Variants in PTPRT observed in about 807,000 individuals in gnomAD.
PTPRT encodes the protein protein tyrosine phosphatase receptor type T, also known as receptor-type tyrosine-protein phosphatase T.
PTPRT carries 56 observed loss-of-function variants against 176.8 expected under a neutral mutation model. The ratio of observed to expected loss-of-function variants is 0.32; its 90% confidence interval spans 0.26 to 0.40. The LOEUF (loss-of-function observed/expected upper bound fraction) is 0.40. PTPRT is among the 10% of genes least tolerant of loss of function. The pLI, the probability that PTPRT is intolerant of heterozygous loss-of-function variation, is 1.00. For synonymous variants in PTPRT, 783 were observed against 739.0 expected, an observed-to-expected ratio of 1.06 and a Z score of -0.96; for missense variants, 1,540 against 1,908.2, an observed-to-expected ratio of 0.81 and a Z score of 3.60.
chr20:43,131,410 T>C (rs905571361), intron 1 of PTPRT, among the ~76,000 whole-genome samples: 1 of 152,262 alleles, frequency 6.6e-6, no homozygotes, highest in Non-Finnish European at 1.5e-5. Context: ...ATGACTTTCA[T>C]GCTGTTTTCA....
intron 7 of PTPRT, among the ~76,000 whole-genome samples, chr20:42,670,825 G>A (rs570951361): frequency 4.6e-5 from 7 of 152,278 alleles, no homozygotes; most frequent in Non-Finnish European, 8.8e-5. Context: ...TGGGGTCTGC[G>A]TCAAGCGAAG....
At chr20:43,079,560 AC>A (rs1248814881) in intron 1 of PTPRT, among the ~76,000 whole-genome samples, 1 of 152,062 alleles carries the variant, frequency 6.6e-6, no homozygotes, top group Non-Finnish European at 1.5e-5. Context: ...CTTCTTTCAT[AC>A]CCTTTAGAGT....
At chr20:42,430,368 G>T (rs1020090375) in intron 9 of PTPRT, among the ~76,000 whole-genome samples, 20 of 152,346 alleles carry the variant, frequency 1.3e-4, no homozygotes, top group Admixed American at 1.3e-3. Context: ...AACGTGCACA[G>T]TGACAACCTG....
chr20:42,134,862 A>G (rs1361250597), intron 18 of PTPRT, among the ~76,000 whole-genome samples: 1 of 152,230 alleles, frequency 6.6e-6, no homozygotes, highest in African/African-American at 2.4e-5. Flanking sequence ...AATGTCTTGC[A>G]TGATCTGATG....
At chr20:42,236,093 A>G (rs996419772) in intron 15 of PTPRT, 136 bp downstream of exon 15, 10 of 671,714 alleles carry the variant, frequency 1.5e-5, no homozygotes, top group African/African-American at 3.7e-5. Flanking sequence ...TATGCAAAAT[A>G]AAAACTTTAA....
intron 1 of PTPRT, among the ~76,000 whole-genome samples, chr20:43,138,386 G>C (rs2013900859): frequency 6.6e-6 from 1 of 152,228 alleles, no homozygotes; most frequent in African/African-American, 2.4e-5. Context: ...AGGCAGCCTT[G>C]ACTTCCTCCT....
In PTPRT at chr20:42,378,846, T is replaced by G. The variant is rs773273561; in HGVS notation, c.1561-26561A>C. ...GATTTTGAAATGATTAAATAATTCA[T>G]GCAAAGCTGTTAAAATAGTTCTGAC... On this transcript the variant is annotated intron_variant, in intron 9 of 30. Transcript: ENST00000373187. Among the ~76,000 whole-genome samples, 6 of 152,228 alleles carry G rather than the reference T, an allele frequency of 3.9e-5. No individual in the cohort carries two copies. In the South Asian group the frequency reaches 1.2e-3, roughly 31 times the overall value.
chr20:42,852,439 T>C (rs1271189990), intron 2 of PTPRT, among the ~76,000 whole-genome samples: 2 of 152,204 alleles, frequency 1.3e-5, no homozygotes, highest in African/African-American at 4.8e-5. Context: ...AAACTGCACA[T>C]AGAAAAAACC....
At chr20:42,580,589 G>C (rs1325688581) in intron 7 of PTPRT, among the ~76,000 whole-genome samples, 1 of 151,832 alleles carries the variant, frequency 6.6e-6, no homozygotes, top group Admixed American at 6.6e-5. Context: ...TTGAGCAGTG[G>C]TTTGTAGTTC....
intron 2 of PTPRT, among the ~76,000 whole-genome samples, chr20:42,795,613 G>T (rs544815230): frequency 6.6e-6 from 1 of 152,224 alleles, no homozygotes; most frequent in Non-Finnish European, 1.5e-5. Flanking sequence ...AGGTGGCCCC[G>T]CCAGCTCCCA....
chr20:42,248,561 G>T, intron 14 of PTPRT, 126 bp downstream of exon 14: 1 of 1,246,016 alleles, frequency 8.0e-7, no homozygotes, highest in Non-Finnish European at 1.1e-6. Flanking sequence ...ATGTATTTCC[G>T]GACCTCAATG....
At chr20:42,402,023 G>A (rs927092391) in intron 9 of PTPRT, among the ~76,000 whole-genome samples, 5 of 152,246 alleles carry the variant, frequency 3.3e-5, no homozygotes, top group African/African-American at 1.2e-4. Flanking sequence ...AAATTGGTTC[G>A]CTCTGATTCT....
chr20:43,186,538 G>A (rs1044550134), intron 1 of PTPRT, among the ~76,000 whole-genome samples: 1 of 152,172 alleles, frequency 6.6e-6, no homozygotes, highest in African/African-American at 2.4e-5. Context: ...TGTGAAAGGT[G>A]ACAGCTATAC....
At chr20:42,798,914 G>A (rs1028809170) in intron 2 of PTPRT, among the ~76,000 whole-genome samples, 1 of 151,864 alleles carries the variant, frequency 6.6e-6, no homozygotes, top group Admixed American at 6.6e-5. Context: ...GCTAACCGGT[G>A]CTGGATACCC....
At chr20:42,711,691 T>A (rs2076146489) in intron 6 of PTPRT, among the ~76,000 whole-genome samples, 2 of 152,112 alleles carry the variant, frequency 1.3e-5, no homozygotes, top group South Asian at 2.1e-4. Flanking sequence ...TTGGATCCCA[T>A]GTATAGAGTA....
chr20:42,619,904 G>A lies in PTPRT; in HGVS notation c.1153+57962C>T, dbSNP rs1021903965. On this transcript the variant is annotated intron_variant, in intron 7 of 30. Coordinates refer to ENST00000373187, the MANE Select transcript of PTPRT (RefSeq NM_007050.6). ...GGTTTGAATGTCCTCCCGTAGCTCA[G>A]AGTAATTTGATCATCTGAAGCCTTC... Among the ~76,000 whole-genome samples the A allele has an allele frequency of 2.5e-3, 363 of 144,068 alleles. 5 individuals carry two copies. Among genetic ancestry groups the A allele is most frequent in the African/African-American group, 9.7e-3 (356 of 36,652 alleles). The allele number at this position is 144,068 out of a possible 152,430, so 94.5% of individuals were successfully genotyped here.
chr20:43,010,603 A>G (rs1430513339), intron 1 of PTPRT, among the ~76,000 whole-genome samples: 1 of 152,184 alleles, frequency 6.6e-6, no homozygotes, highest in Non-Finnish European at 1.5e-5. Flanking sequence ...AGCAAAACGT[A>G]TACTGGTTGA....
intron 1 of PTPRT, among the ~76,000 whole-genome samples, chr20:43,100,134 G>A (rs2012332454): frequency 6.6e-6 from 1 of 152,180 alleles, no homozygotes; most frequent in South Asian, 2.1e-4. Context: ...CCAGCACTTT[G>A]GGAAGCTGAG....
At chr20:43,150,542 C>T (rs1357580745) in intron 1 of PTPRT, among the ~76,000 whole-genome samples, 1 of 152,064 alleles carries the variant, frequency 6.6e-6, no homozygotes, top group Non-Finnish European at 1.5e-5. Flanking sequence ...CTGCAACCTC[C>T]ACCTCCCAGG....
Sources: gnomAD v4.1 joint callset for allele counts (sites outside exome capture counted in the v4.1 genomes callset) on GRCh38, gnomAD v4.1.1 for gene constraint, MANE v1.5 for transcripts, NCBI Gene and HGNC (gene_info 2026-07-23, HGNC 2026-07-21) for gene names.